Variants in TENM2 observed in about 807,000 individuals in gnomAD.
The protein encoded by TENM2 is teneurin transmembrane protein 2, also known as teneurin-2.
Under a neutral mutation model 245.2 loss-of-function variants are expected in TENM2, and 52 were observed. The ratio of observed to expected loss-of-function variants is 0.21; its 90% CI spans 0.17 to 0.27. The LOEUF (loss-of-function observed/expected upper bound fraction) is 0.27. TENM2 is among the 10% of genes least tolerant of loss of function. The pLI is 1.00. For synonymous variants in TENM2, 1,363 were observed against 1,438.9 expected (o/e 0.95, Z 1.19); for missense variants, 3,046 against 3,666.8 (o/e 0.83, Z 4.37).
intron 2 of TENM2, among the ~76,000 whole-genome samples, chr5:167,553,998 T>C (rs934553756): frequency 2.0e-5 from 3 of 152,158 alleles, no homozygotes; most frequent in Admixed American, 6.5e-5. Context: ...CACAACATAA[T>C]GGCACATGGC....
chr5:167,328,514 T>C (rs1462321120), intron 1 of TENM2, among the ~76,000 whole-genome samples: 23 of 152,208 alleles, frequency 1.5e-4, no homozygotes, highest in Admixed American at 1.0e-3. Flanking sequence ...TTTTGAAGAA[T>C]TGAAACTCTT....
chr5:167,676,835 A>C (rs1485993323), intron 2 of TENM2, among the ~76,000 whole-genome samples: 2 of 152,148 alleles, frequency 1.3e-5, no homozygotes, highest in Non-Finnish European at 2.9e-5. Context: ...AACGCCCTTG[A>C]AAACGTTGTG....
In TENM2 at chr5:167,793,829, A is replaced by T. The variant is rs535526750; in HGVS notation, c.503-82157A>T. ...CCAGCCTGGGTGCAAAACCCTGTCT[A>T]AAAAAAAAAAAGAAAAAAAAAGAAG... is the stretch of plus-strand genomic sequence containing the variant. On this transcript the variant is annotated intron_variant, in intron 2 of 28. Coordinates refer to ENST00000518659, the Ensembl canonical transcript of TENM2. Among the ~76,000 whole-genome samples, 23 of 143,898 alleles carry T rather than the reference A, an allele frequency of 1.6e-4. 1 individual carries two copies. In the East Asian group the frequency reaches 2.8e-3, roughly 18 times the overall value. The allele number at this position is 143,898 out of a possible 152,430, so 94.4% of individuals were successfully genotyped here. A position where few individuals can be genotyped will look rare whatever the true frequency, so the allele number is the denominator to read the frequency against.
chr5:167,302,622 T>A (rs1446145970), intron 1 of TENM2, among the ~76,000 whole-genome samples: 1 of 148,980 alleles, frequency 6.7e-6, no homozygotes, highest in African/African-American at 2.5e-5. Context: ...AGGATCAGGG[T>A]GCAGAGATAA....
chr5:168,192,244 A>G (rs1761024844), intron 14 of TENM2, among the ~76,000 whole-genome samples: 4 of 152,186 alleles, frequency 2.6e-5, no homozygotes, highest in Admixed American at 1.3e-4. Context: ...ACATTGCCCT[A>G]GAAATGTAAT....
intron 25 of TENM2, among the ~76,000 whole-genome samples, chr5:168,232,798 C>T (rs1765057564): frequency 6.6e-6 from 1 of 152,230 alleles, no homozygotes; most frequent in Non-Finnish European, 1.5e-5. Context: ...ATCAGTGGCT[C>T]TTCCTTACAG....
chr5:167,606,217 A>C (rs764447760), intron 2 of TENM2, among the ~76,000 whole-genome samples: 2 of 152,166 alleles, frequency 1.3e-5, no homozygotes, highest in Non-Finnish European at 2.9e-5. Flanking sequence ...TGCACTTGTC[A>C]GCTCCAGCTG....
At chr5:167,902,604 G>A (rs1309980677) in intron 3 of TENM2, among the ~76,000 whole-genome samples, 1 of 152,192 alleles carries the variant, frequency 6.6e-6, no homozygotes, top group Non-Finnish European at 1.5e-5. Flanking sequence ...TAAGACGGTT[G>A]TAAAACTCCT....
At chr5:167,669,794 C>T (rs1252777938) in intron 2 of TENM2, among the ~76,000 whole-genome samples, 3 of 151,364 alleles carry the variant, frequency 2.0e-5, no homozygotes, top group East Asian at 3.9e-4. Flanking sequence ...TTAGACAAAC[C>T]GTGGTTGTAA....
intron 2 of TENM2, among the ~76,000 whole-genome samples, chr5:167,830,876 T>G (rs1245102803): frequency 6.6e-6 from 1 of 152,180 alleles, no homozygotes; most frequent in Non-Finnish European, 1.5e-5. Context: ...AGGATGATGC[T>G]GCTGCTTGTC....
chr5:167,663,144 GA>G (rs1755332117), intron 2 of TENM2, among the ~76,000 whole-genome samples: 2 of 41,504 alleles, frequency 4.8e-5, no homozygotes, highest in African/African-American at 1.3e-4. Flanking sequence ...GGGATGGGGA[GA>G]GAGAGAGAGA....
intron 2 of TENM2, among the ~76,000 whole-genome samples, chr5:167,479,395 A>G (rs563985372): frequency 6.6e-6 from 1 of 152,330 alleles, no homozygotes; most frequent in East Asian, 1.9e-4. Flanking sequence ...CAGAAATGGA[A>G]TAGAATAGAT....
At chr5:167,438,387 C>A (rs1764688786) in intron 2 of TENM2, among the ~76,000 whole-genome samples, 1 of 152,142 alleles carries the variant, frequency 6.6e-6, no homozygotes, top group African/African-American at 2.4e-5. Context: ...AAATGGTGTT[C>A]TTCTAGGTGT....
chr5:167,699,856 G>T (rs778751843), intron 2 of TENM2, among the ~76,000 whole-genome samples: 4 of 152,206 alleles, frequency 2.6e-5, no homozygotes, highest in Non-Finnish European at 5.9e-5. Flanking sequence ...GTAGTAGAAA[G>T]TATTAGTTTC....
chr5:168,145,740 G>A (rs1340732444), intron 12 of TENM2, among the ~76,000 whole-genome samples: 1 of 150,064 alleles, frequency 6.7e-6, no homozygotes, highest in East Asian at 2.0e-4. Context: ...GCTTGATGGG[G>A]ATGGCATTGA....
At chr5:167,598,555 T>C (rs1031250251) in intron 2 of TENM2, among the ~76,000 whole-genome samples, 9 of 152,246 alleles carry the variant, frequency 5.9e-5, no homozygotes, top group Admixed American at 5.2e-4. Flanking sequence ...AGGGTATTAC[T>C]GTGCTTTATT....
chr5:167,303,919 C>T (rs1442784839), intron 1 of TENM2, among the ~76,000 whole-genome samples: 5 of 152,134 alleles, frequency 3.3e-5, no homozygotes, highest in Non-Finnish European at 1.5e-5. Context: ...GTTGCTAGAT[C>T]TCCCAGTTCC....
At chr5:167,441,994 A>G (rs1259002843) in intron 2 of TENM2, among the ~76,000 whole-genome samples, 1 of 152,174 alleles carries the variant, frequency 6.6e-6, no homozygotes, top group African/African-American at 2.4e-5. Context: ...TGCTTTAAAA[A>G]TTTGTTTATG....
intron 2 of TENM2, among the ~76,000 whole-genome samples, chr5:167,547,484 G>C (rs1045453754): frequency 6.6e-6 from 1 of 152,134 alleles, no homozygotes; most frequent in Non-Finnish European, 1.5e-5. Flanking sequence ...CCACACTTTT[G>C]TTTTTCGAAA....
Sources: gnomAD v4.1 joint callset for allele counts (sites outside exome capture counted in the v4.1 genomes callset) on GRCh38, gnomAD v4.1.1 for gene constraint, MANE v1.5 for transcripts, NCBI Gene and HGNC (gene_info 2026-07-23, HGNC 2026-07-21) for gene names.